The following SFMBT1 variants were observed in gnomAD, a reference collection of about 807,000 sequenced individuals.
SFMBT1 encodes scm-like with four MBT domains protein 1.
Under a neutral mutation model 108.7 loss-of-function variants are expected in SFMBT1, and 32 were observed. The observed-to-expected ratio is 0.29, with a 90% CI of 0.22 to 0.40. SFMBT1 has a LOEUF of 0.40. Ranked by LOEUF, SFMBT1 falls within the 10% of genes least tolerant of loss-of-function variation. The pLI is 1.00. For synonymous variants in SFMBT1, 348 were observed against 369.5 expected, an observed-to-expected ratio of 0.94 and a Z score of 0.67; for missense variants, 816 against 1,059.6, an observed-to-expected ratio of 0.77 and a Z score of 3.19.
intron 1 of SFMBT1, among the ~76,000 whole-genome samples, chr3:52,999,618 CT>C (rs767742448): frequency 4.0e-5 from 6 of 150,200 alleles, no homozygotes; most frequent in Non-Finnish European, 9.0e-5. Flanking sequence ...GTCCTTGCCC[CT>C]AACCACTGCT....
At chr3:53,028,638 T>C (rs745869702) in intron 1 of SFMBT1, among the ~76,000 whole-genome samples, 3 of 151,950 alleles carry the variant, frequency 2.0e-5, no homozygotes, top group African/African-American at 4.8e-5. Context: ...ATCATACCTG[T>C]GTATGGTCAC....
chr3:52,959,781 C>T (rs886805342), intron 2 of SFMBT1, among the ~76,000 whole-genome samples: 4 of 152,102 alleles, frequency 2.6e-5, no homozygotes, highest in Non-Finnish European at 5.9e-5. Context: ...TTAAGTGAGC[C>T]AAGACTCAAA....
At chr3:52,966,624 C>CAAAAAAAAAAAAAA (rs35044878) in intron 2 of SFMBT1, among the ~76,000 whole-genome samples, 2 of 48,406 alleles carry the variant, frequency 4.1e-5, no homozygotes. Flanking sequence ...GACTCAGTCT[C>CAAAAAAAAAAAAAA]AAAAAAAAAA....
intron 1 of SFMBT1, among the ~76,000 whole-genome samples, chr3:53,025,382 G>A (rs1323017085): frequency 6.6e-6 from 1 of 152,294 alleles, no homozygotes; most frequent in East Asian, 1.9e-4. Context: ...CTGAGGTGGA[G>A]GGATCACTTT....
chr3:53,037,277 T>C (rs1345283132), intron 1 of SFMBT1, among the ~76,000 whole-genome samples: 3 of 152,128 alleles, frequency 2.0e-5, no homozygotes, highest in Non-Finnish European at 4.4e-5. Context: ...CTGCTTCCCT[T>C]GTCATAGCCA....
At chr3:52,910,910 T>C in intron 17 of SFMBT1, 93 bp downstream of exon 17, 2 of 1,110,706 alleles carry the variant, frequency 1.8e-6, no homozygotes, top group South Asian at 1.3e-5. Flanking sequence ...CGTGTGCCTC[T>C]GCTATATATG....
intron 3 of SFMBT1, among the ~76,000 whole-genome samples, chr3:52,952,458 C>A (rs1703627503): frequency 6.6e-6 from 1 of 152,184 alleles, no homozygotes; most frequent in Non-Finnish European, 1.5e-5. Context: ...TCCAGTATGA[C>A]TGTTTGGATA....
intron 2 of SFMBT1, among the ~76,000 whole-genome samples, chr3:52,967,036 A>G (rs1704174618): frequency 6.6e-6 from 1 of 151,738 alleles, no homozygotes; most frequent in South Asian, 2.1e-4. Context: ...TACAAATCAA[A>G]ATGGAATTCT....
At chr3:53,021,265 TA>T (rs1245574719) in intron 1 of SFMBT1, among the ~76,000 whole-genome samples, 1 of 152,208 alleles carries the variant, frequency 6.6e-6, no homozygotes, top group East Asian at 1.9e-4. Context: ...TTTGCTGAAG[TA>T]AATCTGGAGA....
chr3:52,943,303 T>G, intron 4 of SFMBT1, 50 bp downstream of exon 4: 1 of 1,611,722 alleles, frequency 6.2e-7, no homozygotes. Flanking sequence ...ACAATCCAAA[T>G]TTTCTTACAG....
chr3:52,958,700 T>C (rs1350864636), intron 2 of SFMBT1, among the ~76,000 whole-genome samples: 1 of 152,214 alleles, frequency 6.6e-6, no homozygotes, highest in Non-Finnish European at 1.5e-5. Context: ...AGTTCAGCCA[T>C]TGTGGAAGAC....
rs935244531 is a variant in SFMBT1 at position 53,021,659 on chromosome 3, G to A, written c.-131+24157C>T. 3.3e-5 allele frequency among the ~76,000 whole-genome samples: 5 copies of A among 152,226 alleles called. No homozygotes were observed. In the South Asian group the frequency reaches 1.0e-3, roughly 32 times the overall value. On this transcript the variant is annotated intron_variant, in intron 1 of 20. Coordinates refer to ENST00000394752, the MANE Select transcript of SFMBT1 (RefSeq NM_016329.4). The stretch of plus-strand genomic sequence containing the variant: ...CAGGGCCTTTTTGGGAGAATCGGAA[G>A]ACACAAGGAAGCAGGAGTCCCCTTT...
chr3:52,920,709 A>C (rs1702499442), intron 11 of SFMBT1, 59 bp from the exon 12 acceptor site: 3 of 1,032,036 alleles, frequency 2.9e-6, no homozygotes, highest in Admixed American at 4.4e-5. Flanking sequence ...AGACCATTAA[A>C]TAACCTTCTT....
chr3:52,931,904 CTTAAT>C (rs1214123179), intron 6 of SFMBT1, among the ~76,000 whole-genome samples, 153 bp downstream of exon 6: 6 of 152,180 alleles, frequency 3.9e-5, no homozygotes, highest in East Asian at 3.9e-4. Flanking sequence ...AAAATAGGCA[CTTAAT>C]TTAACAACTC....
chr3:53,006,143 G>T (rs1698731816), intron 1 of SFMBT1, among the ~76,000 whole-genome samples: 2 of 152,222 alleles, frequency 1.3e-5, no homozygotes, highest in African/African-American at 4.8e-5. Flanking sequence ...AGACTAGAAA[G>T]CTAGGTTGGA....
intron 17 of SFMBT1, among the ~76,000 whole-genome samples, chr3:52,908,226 ACC>A (rs1456012813): frequency 1.4e-4 from 21 of 151,706 alleles, no homozygotes; most frequent in African/African-American, 4.1e-4. Flanking sequence ...GGCACACACC[ACC>A]ATGCCCGGCT....
intron 2 of SFMBT1, among the ~76,000 whole-genome samples, chr3:52,968,618 GAGA>G (rs1704230366): frequency 4.2e-5 from 3 of 71,926 alleles, no homozygotes; most frequent in Non-Finnish European, 5.6e-5. Context: ...TTTTTTTTTT[GAGA>G]AGGAGTCTCG....
At position 52,948,825 on chromosome 3, in the gene SFMBT1, A is replaced by ATTT. The variant is rs71615878; in HGVS notation, c.124-5235_124-5233dup. 1.1e-3 allele frequency among the ~76,000 whole-genome samples: 90 copies of ATTT among 78,278 alleles called. 2 individuals carry two copies. The highest frequency in any genetic ancestry group is 2.6e-3 in the South Asian group (4 of 1,548). The allele number at this position is 78,278 out of a possible 152,430, so 51.4% of individuals were successfully genotyped here. The stretch of plus-strand genomic sequence containing the variant: ...CTCCACCATGCCTGGCTAATTTTTA[A>ATTT]TTTTTTTTTTTTTTTTTTTTTGTAG... On this transcript the variant is annotated intron_variant, in intron 3 of 20. Transcript: ENST00000394752.
chr3:52,937,215 C>T (rs1703039737), intron 4 of SFMBT1, among the ~76,000 whole-genome samples: 2 of 152,084 alleles, frequency 1.3e-5, no homozygotes, highest in African/African-American at 4.8e-5. Context: ...TTAAGTCTAC[C>T]ACCAACAGTA....
Sources: gnomAD v4.1 joint callset for allele counts (sites outside exome capture counted in the v4.1 genomes callset) on GRCh38, gnomAD v4.1.1 for gene constraint, MANE v1.5 for transcripts, NCBI Gene and HGNC (gene_info 2026-07-23, HGNC 2026-07-21) for gene names.